PLA2G4A: variants seen among roughly 807,000 people sequenced by gnomAD.
PLA2G4A encodes cytosolic phospholipase A2.
A neutral mutation model predicts 81.9 loss-of-function variants in PLA2G4A; 40 were observed. The observed-to-expected ratio is 0.49, with a 90% CI of 0.38 to 0.64. The LOEUF (loss-of-function observed/expected upper bound fraction) is 0.64, where lower values mean the gene tolerates loss of function less well. Among genes scored for constraint, PLA2G4A ranks in the 30% least tolerant of loss-of-function variants. The pLI, the probability that PLA2G4A is intolerant of heterozygous loss-of-function variation, is 0.00. For synonymous variants in PLA2G4A, 302 were observed against 296.9 expected (o/e 1.02, Z -0.18); for missense variants, 715 against 905.1 (o/e 0.79, Z 2.69).
At chr1:186,853,278 C>T (rs979475808) in intron 1 of PLA2G4A, among the ~76,000 whole-genome samples, 8 of 151,308 alleles carry the variant, frequency 5.3e-5, no homozygotes, top group Admixed American at 1.3e-4. Context: ...AAATTTAAAT[C>T]CTCTCTTTTC....
chr1:186,839,910 T>C (rs1473570996), intron 1 of PLA2G4A, among the ~76,000 whole-genome samples: 1 of 151,576 alleles, frequency 6.6e-6, no homozygotes, highest in African/African-American at 2.4e-5. Flanking sequence ...ACATAAATAT[T>C]ATTTAAAGGG....
chr1:186,891,897 C>G (rs1311047250), intron 3 of PLA2G4A, among the ~76,000 whole-genome samples: 1 of 152,108 alleles, frequency 6.6e-6, no homozygotes, highest in East Asian at 1.9e-4. Context: ...AGTGGTTGTG[C>G]TAATTTACTT....
At chr1:186,875,706 GATCCA>G (rs1653468792) in intron 3 of PLA2G4A, among the ~76,000 whole-genome samples, 1 of 152,016 alleles carries the variant, frequency 6.6e-6, no homozygotes, top group Non-Finnish European at 1.5e-5. Flanking sequence ...TGATATTTGT[GATCCA>G]TCTAAGAACC....
chr1:186,835,812 C>T (rs1266383841), intron 1 of PLA2G4A, among the ~76,000 whole-genome samples: 2 of 152,188 alleles, frequency 1.3e-5, no homozygotes, highest in Non-Finnish European at 2.9e-5. Context: ...TTTGTCACAG[C>T]AGCGATTCTA....
Position 186,932,429 on chromosome 1 carries a change from C to T in PLA2G4A, c.559-334C>T, listed in dbSNP as rs1034330268. 2.0e-5 allele frequency among the ~76,000 whole-genome samples: 3 copies of T among 151,310 alleles called. No homozygotes were observed. In the South Asian group the frequency reaches 6.3e-4, roughly 32 times the overall value. On this transcript the variant is annotated intron_variant, in intron 7 of 17. Coordinates refer to ENST00000367466, the MANE Select transcript of PLA2G4A (RefSeq NM_024420.3). ...TCCTGCTTCAGCCTCCAAAGTAGCTCGGATTACAGGCACCCGCCAGCACAC... is the reference window on the plus strand; with the variant it reads ...TCCTGCTTCAGCCTCCAAAGTAGCTTGGATTACAGGCACCCGCCAGCACAC...
At chr1:186,911,218 G>A (rs770898439) in intron 6 of PLA2G4A, 30 bp from the exon 7 acceptor site, 1 of 1,608,052 alleles carries the variant, frequency 6.2e-7, no homozygotes, top group East Asian at 2.2e-5. Flanking sequence ...GGGAGCACTG[G>A]CTCATGACTT....
At chr1:186,832,637 T>A (rs1483536779) in intron 1 of PLA2G4A, among the ~76,000 whole-genome samples, 2 of 152,228 alleles carry the variant, frequency 1.3e-5, no homozygotes, top group African/African-American at 4.8e-5. Flanking sequence ...CATTTCTTTG[T>A]TGAACAAAGT....
chr1:186,877,122 A>C (rs565859473), intron 3 of PLA2G4A, among the ~76,000 whole-genome samples: 1 of 152,204 alleles, frequency 6.6e-6, no homozygotes, highest in African/African-American at 2.4e-5. Context: ...ATATGAAAAT[A>C]AATGATCTGT....
At chr1:186,890,100 A>G (rs1654082536) in intron 3 of PLA2G4A, among the ~76,000 whole-genome samples, 1 of 152,330 alleles carries the variant, frequency 6.6e-6, no homozygotes, top group South Asian at 2.1e-4. Context: ...AGTACTTAAC[A>G]CAGATCCCTG....
At position 186,901,253 on chromosome 1, in the gene PLA2G4A, T is replaced by C. The variant is rs145643647; in HGVS notation, c.379-5712T>C. Among the ~76,000 whole-genome samples, 864 of 152,304 alleles carry C rather than the reference T, an allele frequency of 5.7e-3. 6 individuals are homozygous for C. Among genetic ancestry groups the C allele is most frequent in the Non-Finnish European group, 7.3e-3 (498 of 68,022 alleles). On this transcript the variant is annotated intron_variant, in intron 5 of 17. Coordinates refer to ENST00000367466, the MANE Select transcript of PLA2G4A (RefSeq NM_024420.3). ...TGGCTCAAGTAATTCCTGGCTTTAA[T>C]AGAGAATGCATTTTTATTTTGGGTC...
At chr1:186,900,651 T>G (rs1654503551) in intron 5 of PLA2G4A, among the ~76,000 whole-genome samples, 1 of 152,188 alleles carries the variant, frequency 6.6e-6, no homozygotes, top group Non-Finnish European at 1.5e-5. Context: ...GTCTAGAATC[T>G]TCAGAATTTA....
chr1:186,953,319 T>C (rs942330216), intron 13 of PLA2G4A, among the ~76,000 whole-genome samples: 33 of 152,226 alleles, frequency 2.2e-4, no homozygotes, highest in African/African-American at 7.0e-4. Context: ...AAATGACATT[T>C]AACTTGAAGC....
intron 1 of PLA2G4A, among the ~76,000 whole-genome samples, chr1:186,846,908 T>C (rs186269236): frequency 6.6e-6 from 1 of 152,228 alleles, no homozygotes; most frequent in Non-Finnish European, 1.5e-5. Flanking sequence ...GTCCGCTTCA[T>C]ATCAATACTG....
At chr1:186,890,799 G>A (rs946732648) in intron 3 of PLA2G4A, among the ~76,000 whole-genome samples, 1 of 150,434 alleles carries the variant, frequency 6.6e-6, no homozygotes, top group Non-Finnish European at 1.5e-5. Context: ...GTTGCAGTGA[G>A]CTGAGATTGT....
At chr1:186,908,485 TA>T (rs1654819646) in intron 6 of PLA2G4A, among the ~76,000 whole-genome samples, 1 of 151,922 alleles carries the variant, frequency 6.6e-6, no homozygotes, top group African/African-American at 2.4e-5. Flanking sequence ...ACTGGTAAAA[TA>T]AGAAAAGAAT....
chr1:186,913,903 T>C (rs879824368), intron 7 of PLA2G4A, among the ~76,000 whole-genome samples: 22 of 151,988 alleles, frequency 1.4e-4, no homozygotes, highest in Non-Finnish European at 2.9e-4. Flanking sequence ...ATGTTTTAGG[T>C]GGGGGTAGGG....
intron 15 of PLA2G4A, among the ~76,000 whole-genome samples, chr1:186,970,478 G>T (rs1657313932): frequency 6.6e-6 from 1 of 151,978 alleles, no homozygotes; most frequent in Admixed American, 6.6e-5. Context: ...AGAAATCTTT[G>T]CCCAGATCAG....
At chr1:186,977,556 G>A (rs778334424) in intron 15 of PLA2G4A, 37 bp from the exon 16 acceptor site, 2 of 1,476,062 alleles carry the variant, frequency 1.4e-6, no homozygotes, top group African/African-American at 2.8e-5. Flanking sequence ...AATGAAAACT[G>A]AAAATTTCCA....
intron 1 of PLA2G4A, among the ~76,000 whole-genome samples, chr1:186,834,709 T>C (rs1024323868): frequency 6.6e-6 from 1 of 152,154 alleles, no homozygotes; most frequent in Non-Finnish European, 1.5e-5. Flanking sequence ...ACATTTTATC[T>C]AAAAATACAA....
Sources: gnomAD v4.1 joint callset for allele counts (sites outside exome capture counted in the v4.1 genomes callset) on GRCh38, gnomAD v4.1.1 for gene constraint, MANE v1.5 for transcripts, NCBI Gene and HGNC (gene_info 2026-07-23, HGNC 2026-07-21) for gene names.